The following MECOM variants were observed in gnomAD, a reference collection of about 807,000 sequenced individuals.
MECOM encodes the protein histone-lysine N-methyltransferase MECOM.
Under a neutral mutation model 116.3 loss-of-function variants are expected in MECOM, and 13 were observed. The observed-to-expected ratio is 0.11, with a 90% CI of 0.07 to 0.18. The LOEUF (loss-of-function observed/expected upper bound fraction) is 0.18, where lower values mean the gene tolerates loss of function less well. Ranked by LOEUF, MECOM falls within the 10% of genes least tolerant of loss-of-function variation. The probability of loss-of-function intolerance (pLI) is 1.00; values close to 1 mark genes in which losing one functional copy is unlikely to be tolerated. For synonymous variants in MECOM, 528 were observed against 535.2 expected (o/e 0.99, Z 0.19); for missense variants, 1,299 against 1,509.0 (o/e 0.86, Z 2.31).
chr3:169,190,446 T>C (rs1316992897), intron 2 of MECOM, among the ~76,000 whole-genome samples: 1 of 152,052 alleles, frequency 6.6e-6, no homozygotes, highest in Non-Finnish European at 1.5e-5. Flanking sequence ...TCAGTGCCAC[T>C]CTTGATGGAC....
At chr3:169,121,371 C>G (rs1266650382) in intron 6 of MECOM, among the ~76,000 whole-genome samples, 162 bp from the exon 7 acceptor site, 1 of 152,182 alleles carries the variant, frequency 6.6e-6, no homozygotes, top group African/African-American at 2.4e-5. Context: ...GTACTCTCCT[C>G]TAGGGTAGGA....
At chr3:169,316,863 T>C (rs868072126) in intron 2 of MECOM, among the ~76,000 whole-genome samples, 31 of 152,222 alleles carry the variant, frequency 2.0e-4, no homozygotes, top group African/African-American at 7.2e-4. Flanking sequence ...AAAAGACATA[T>C]ACTTTTAATC....
chr3:169,566,711 G>A (rs553263509), intron 1 of MECOM, among the ~76,000 whole-genome samples: 2 of 152,218 alleles, frequency 1.3e-5, no homozygotes, highest in South Asian at 2.1e-4. Flanking sequence ...ATGAGCCCAA[G>A]CCACACAATA....
intron 1 of MECOM, among the ~76,000 whole-genome samples, chr3:169,594,878 G>GAAAAAAAAAA (rs11371795): frequency 1.7e-5 from 2 of 119,768 alleles, no homozygotes; most frequent in Non-Finnish European, 3.3e-5. Context: ...GGATCTAACT[G>GAAAAAAAAAA]AAAAAAAAAA....
At chr3:169,330,672 T>C (rs1005403882) in intron 2 of MECOM, among the ~76,000 whole-genome samples, 2 of 152,048 alleles carry the variant, frequency 1.3e-5, no homozygotes, top group African/African-American at 4.8e-5. Flanking sequence ...TGTTTTTTTA[T>C]AAACGCCTAG....
chr3:169,134,005 T>C, intron 3 of MECOM: 1 of 1,251,996 alleles, frequency 8.0e-7, no homozygotes, highest in South Asian at 1.2e-5. Context: ...AACTTTTCGG[T>C]GGCTTCTCGG....
At chr3:169,238,461 CA>C (rs144505552) in intron 2 of MECOM, among the ~76,000 whole-genome samples, 6,311 of 152,202 alleles carry the variant, frequency 0.041, 165 homozygotes, top group African/African-American at 0.067. Flanking sequence ...GAAATGACCA[CA>C]GCAATTTTAC....
At chr3:169,303,658 A>G (rs562814091) in intron 2 of MECOM, among the ~76,000 whole-genome samples, 4 of 152,318 alleles carry the variant, frequency 2.6e-5, no homozygotes, top group South Asian at 2.1e-4. Flanking sequence ...TGAGTATCCA[A>G]TCCTGATTTT....
chr3:169,283,114 A>C (rs894292081), intron 2 of MECOM, among the ~76,000 whole-genome samples: 4 of 152,230 alleles, frequency 2.6e-5, no homozygotes, highest in Admixed American at 2.0e-4. Flanking sequence ...CTAGTAACTT[A>C]AACTGCACTT....
chr3:169,644,511 C>T (rs1265569787), intron 1 of MECOM, among the ~76,000 whole-genome samples: 2 of 152,134 alleles, frequency 1.3e-5, no homozygotes, highest in Admixed American at 1.3e-4. Flanking sequence ...CCTGCCTCTC[C>T]CTCCCAAAGT....
chr3:169,391,775 A>T (rs1337138862), intron 1 of MECOM, among the ~76,000 whole-genome samples: 1 of 152,164 alleles, frequency 6.6e-6, no homozygotes, highest in Admixed American at 6.5e-5. Context: ...ATAGACTACC[A>T]AACTATGTAT....
intron 2 of MECOM, among the ~76,000 whole-genome samples, chr3:169,263,124 T>C (rs1388917363): frequency 1.3e-3 from 78 of 60,950 alleles, no homozygotes; most frequent in African/African-American, 2.6e-3. Context: ...TATATATATA[T>C]ATATGTTTTT....
chr3:169,172,319 T>C (rs1744537570), intron 2 of MECOM, among the ~76,000 whole-genome samples: 1 of 152,132 alleles, frequency 6.6e-6, no homozygotes, highest in Non-Finnish European at 1.5e-5. Context: ...CCCAATGTTA[T>C]ACAAAATACT....
intron 2 of MECOM, among the ~76,000 whole-genome samples, chr3:169,377,814 A>G (rs377405650): frequency 1.6e-4 from 25 of 152,276 alleles, no homozygotes; most frequent in African/African-American, 5.5e-4. Flanking sequence ...CAGCAATCCC[A>G]TTACTGAGTA....
chr3:169,102,630 A>G (rs1014806194), intron 10 of MECOM, among the ~76,000 whole-genome samples: 1 of 152,202 alleles, frequency 6.6e-6, no homozygotes, highest in Non-Finnish European at 1.5e-5. Context: ...TACCTAGGCA[A>G]TGAAAACCGT....
At chr3:169,198,277 A>G (rs1260807535) in intron 2 of MECOM, among the ~76,000 whole-genome samples, 1 of 152,066 alleles carries the variant, frequency 6.6e-6, no homozygotes, top group Non-Finnish European at 1.5e-5. Context: ...TTTTTGAAGA[A>G]AAACTCATGT....
intron 1 of MECOM, among the ~76,000 whole-genome samples, chr3:169,576,309 G>A (rs912790938): frequency 2.0e-5 from 3 of 152,074 alleles, no homozygotes; most frequent in African/African-American, 4.8e-5. Flanking sequence ...AATAGACATA[G>A]GGGGCCATAA....
intron 1 of MECOM, among the ~76,000 whole-genome samples, chr3:169,456,078 G>T (rs918511577): frequency 1.3e-5 from 2 of 152,148 alleles, no homozygotes; most frequent in Admixed American, 1.3e-4. Flanking sequence ...TAAAAAATCA[G>T]ATTTCCACCT....
At chr3:169,514,392 G>A (rs1200053857) in intron 1 of MECOM, among the ~76,000 whole-genome samples, 1 of 152,176 alleles carries the variant, frequency 6.6e-6, no homozygotes, top group African/African-American at 2.4e-5. Flanking sequence ...GAATGGTTGG[G>A]GGACAGAGGG....
Sources: allele counts gnomAD v4.1 joint callset (sites outside exome capture counted in the v4.1 genomes callset), GRCh38; gene constraint gnomAD v4.1.1; transcripts MANE v1.5; gene names NCBI Gene and HGNC (gene_info 2026-07-23, HGNC 2026-07-21).